The following DNAAF4 variants were observed in gnomAD, a reference collection of about 807,000 sequenced individuals.
The protein encoded by DNAAF4 is dynein axonemal assembly factor 4.
In DNAAF4, 43 loss-of-function variants were observed where a neutral mutation model predicts 51.8. That is an observed-to-expected ratio of 0.83 (90% CI 0.65 to 1.07). DNAAF4 has a LOEUF of 1.07. Ranked by LOEUF, DNAAF4 falls within the 50% of genes least tolerant of loss-of-function variation. The pLI is 0.00. For synonymous variants in DNAAF4, 194 were observed against 165.6 expected, an observed-to-expected ratio of 1.17 and a Z score of -1.32; for missense variants, 581 against 493.0, an observed-to-expected ratio of 1.18 and a Z score of -1.69.
At chr15:55,439,948 T>C (rs1474224673) in intron 6 of DNAAF4, among the ~76,000 whole-genome samples, 1 of 152,194 alleles carries the variant, frequency 6.6e-6, no homozygotes, top group Non-Finnish European at 1.5e-5. Flanking sequence ...CACCCTGATC[T>C]TGGATTTCCC....
chr15:55,498,057 G>A, intron 2 of DNAAF4, 150 bp downstream of exon 2: 1 of 1,394,580 alleles, frequency 7.2e-7, no homozygotes, highest in Non-Finnish European at 9.8e-7. Flanking sequence ...CAGATGGTGT[G>A]TTACCTGTAT....
intron 5 of DNAAF4, among the ~76,000 whole-genome samples, chr15:55,460,140 C>T (rs1297514450): frequency 2.0e-5 from 3 of 151,566 alleles, no homozygotes; most frequent in Admixed American, 6.6e-5. Flanking sequence ...ATGCACCTAA[C>T]ACTAGAACTC....
rs551728408 is a variant in DNAAF4 at position 55,470,597 on chromosome 15, A to C, written c.406-3436T>G. 4.0e-5 allele frequency among the ~76,000 whole-genome samples: 6 copies of C among 150,870 alleles called. No individual in the cohort carries two copies. The East Asian group carries it at 1.2e-3, about 30-fold the overall frequency. The stretch of plus-strand genomic sequence containing the variant: ...TGCTCTGTCACCCAGGCTGGAGTGC[A>C]ATGGCGCAATCATGGCTCACTGCAG... On this transcript the variant is annotated intron_variant, in intron 4 of 9. Coordinates refer to ENST00000321149, the MANE Select transcript of DNAAF4 (RefSeq NM_130810.4).
intron 5 of DNAAF4, among the ~76,000 whole-genome samples, chr15:55,451,314 T>C (rs185497766): frequency 6.6e-6 from 1 of 152,320 alleles, no homozygotes; most frequent in East Asian, 1.9e-4. Flanking sequence ...TTTATCTTTA[T>C]TTGATCTGTA....
intron 5 of DNAAF4, among the ~76,000 whole-genome samples, chr15:55,462,217 G>T (rs887668668): frequency 1.3e-5 from 2 of 151,912 alleles, no homozygotes; most frequent in African/African-American, 4.8e-5. Flanking sequence ...TTTAAGACAG[G>T]GTCTTGTTCT....
intron 5 of DNAAF4, among the ~76,000 whole-genome samples, chr15:55,457,049 T>C (rs976057689): frequency 3.9e-5 from 6 of 152,064 alleles, no homozygotes; most frequent in African/African-American, 1.2e-4. Context: ...AGGGGGCAAA[T>C]GGGAAGTACA....
chr15:55,450,096 T>G (rs2057910461), intron 6 of DNAAF4, 126 bp downstream of exon 6: 2 of 1,112,994 alleles, frequency 1.8e-6, no homozygotes, highest in Admixed American at 3.3e-5. Flanking sequence ...TAAAACATAT[T>G]CATGACGTTA....
chr15:55,495,363 C>G (rs1310321976), intron 3 of DNAAF4, among the ~76,000 whole-genome samples: 1 of 149,278 alleles, frequency 6.7e-6, no homozygotes, highest in African/African-American at 2.4e-5. Context: ...ACCAAGAAAG[C>G]CTTGATAGAA....
At chr15:55,501,808 C>T (rs1460369316) in intron 1 of DNAAF4, among the ~76,000 whole-genome samples, 1 of 151,724 alleles carries the variant, frequency 6.6e-6, no homozygotes, top group Non-Finnish European at 1.5e-5. Context: ...TTTGGGAGGC[C>T]GAGGCAGGTG....
At chr15:55,467,457 G>A (rs1345656808) in intron 4 of DNAAF4, among the ~76,000 whole-genome samples, 4 of 151,774 alleles carry the variant, frequency 2.6e-5, no homozygotes, top group African/African-American at 9.7e-5. Context: ...ATGTGGGCAG[G>A]CATTCAATTA....
chr15:55,432,552 C>T lies in DNAAF4; in HGVS notation c.1098G>A (p.Met366Ile), dbSNP rs2057512905. ...PPVTDNANARMKAHVRRGTAF... is the reference protein window; with the variant it reads ...PPVTDNANARIKAHVRRGTAF... ...CTGTTCCACGTCGTACATGTGCCTTCATTCTTGCATTAGCATTGTCTGTAA... is the reference window on the plus strand; with the variant it reads ...CTGTTCCACGTCGTACATGTGCCTTTATTCTTGCATTAGCATTGTCTGTAA... Residue 366 changes from methionine (M) to isoleucine (I), a missense_variant, in exon 9 of 10, where the codon ATG (methionine) becomes ATA (isoleucine). Physicochemically the swap from Met to Ile is conservative, Grantham distance 10 (BLOSUM62 1). Transcript: ENST00000321149. 1 of 1,612,720 alleles carries T rather than the reference C, an allele frequency of 6.2e-7. No homozygotes were observed.
intron 6 of DNAAF4, 75 bp from the exon 7 acceptor site, chr15:55,439,656 C>T (rs1385010597): frequency 3.0e-6 from 4 of 1,314,046 alleles, no homozygotes; most frequent in Non-Finnish European, 4.3e-6. Context: ...GATTTTCCAT[C>T]TTCCTCCAGT....
At position 55,450,293 on chromosome 15, in the gene DNAAF4, T is replaced by C; in HGVS notation, c.712A>G (p.Ile238Val). The C allele has an allele frequency of 6.2e-7, 1 of 1,614,078 alleles. No individual in the cohort carries two copies. ...ACTCGAGGGGTAAAGTTGATTTTAA[T>C]ACTGCCAACAGAGCGAGGAGCAGGA... is the stretch of plus-strand genomic sequence containing the variant. ...SIPAPRSVGS[I>V]KINFTPRVFP... The change falls in exon 6 of 10, where the codon ATT (isoleucine) becomes GTT (valine). Residue 238 changes from isoleucine (I) to valine (V), a missense_variant. By Grantham distance (29) the Ile-to-Val change is conservative. Transcript: ENST00000321149.
chr15:55,488,384 C>T (rs76458336), intron 4 of DNAAF4, among the ~76,000 whole-genome samples: 10,003 of 152,226 alleles, frequency 0.066, 377 homozygotes, highest in East Asian at 0.18. Flanking sequence ...TTAATTTATG[C>T]TAACTTAAGC....
chr15:55,418,698 T>C (rs937564738), intron 7 of DNAAF4: 2 of 650,772 alleles, frequency 3.1e-6, no homozygotes, highest in African/African-American at 3.6e-5. Flanking sequence ...TTAAATAAAG[T>C]ATTTCAACTG....
chr15:55,449,697 T>TTG (rs1261765148), intron 6 of DNAAF4, among the ~76,000 whole-genome samples: 16 of 1,874 alleles, frequency 8.5e-3, no homozygotes, highest in Non-Finnish European at 0.02. Context: ...AAAAGACCGC[T>TTG]TTTTTTTTTT....
chr15:55,469,345 A>G (rs537940932), intron 4 of DNAAF4, among the ~76,000 whole-genome samples: 48 of 151,826 alleles, frequency 3.2e-4, no homozygotes, highest in African/African-American at 8.4e-4. Flanking sequence ...AAAAAGAAAG[A>G]AAGAAAGAAA....
intron 3 of DNAAF4, among the ~76,000 whole-genome samples, chr15:55,491,683 AT>A (rs1296449141): frequency 2.8e-5 from 4 of 140,684 alleles, no homozygotes; most frequent in Non-Finnish European, 6.1e-5. Context: ...ATAATATTAT[AT>A]TATTATATAA....
intron 7 of DNAAF4, among the ~76,000 whole-genome samples, chr15:55,436,224 G>A (rs547450547): frequency 1.3e-5 from 2 of 152,068 alleles, no homozygotes; most frequent in African/African-American, 4.8e-5. Context: ...TTTTTTCTGA[G>A]TAGCCATCCT....
Sources: gnomAD v4.1 joint callset for allele counts (sites outside exome capture counted in the v4.1 genomes callset) on GRCh38, gnomAD v4.1.1 for gene constraint, MANE v1.5 for transcripts, NCBI Gene and HGNC (gene_info 2026-07-23, HGNC 2026-07-21) for gene names.